Variants in LEPR observed in about 807,000 individuals in gnomAD.
The protein encoded by LEPR is leptin receptor, also known as OB receptor.
LEPR carries 56 observed loss-of-function variants against 114.7 expected under a neutral mutation model. The observed-to-expected ratio is 0.49, with a 90% CI of 0.39 to 0.61. The LOEUF (loss-of-function observed/expected upper bound fraction) is 0.61, where lower values mean the gene tolerates loss of function less well. Ranked by LOEUF, LEPR falls within the 20% of genes least tolerant of loss-of-function variation. The probability of loss-of-function intolerance (pLI) is 0.00; values close to 1 mark genes in which losing one functional copy is unlikely to be tolerated. For missense variants in LEPR, 1,202 were observed against 1,352.9 expected, an observed-to-expected ratio of 0.89 and a Z score of 1.75; for synonymous variants, 443 against 461.4, an observed-to-expected ratio of 0.96 and a Z score of 0.51.
chr1:65,547,123 A>G (rs1158851018), intron 2 of LEPR, among the ~76,000 whole-genome samples: 7 of 151,590 alleles, frequency 4.6e-5, no homozygotes, highest in African/African-American at 1.5e-4. Context: ...TGATTTGTGT[A>G]TATTGAACCA....
Position 65,425,286 on chromosome 1 carries a change from G to C in LEPR, c.-96-17G>C, listed in dbSNP as rs1229741317. 1.2e-6 allele frequency: 2 copies of C among 1,611,122 alleles called. No individual in the cohort carries two copies. The highest frequency in any genetic ancestry group is 2.2e-5 in the South Asian group (2 of 90,514). On this transcript the variant is annotated splice_polypyrimidine_tract_variant and intron_variant, in intron 1 of 19. Transcript: ENST00000349533. ...CTCTACTGTGGGAACTTTAACTTTT[G>C]GCTTTATTTTTCACAGCTCTCGTGG...
intron 5 of LEPR, among the ~76,000 whole-genome samples, chr1:65,583,992 A>G (rs1376961017): frequency 6.6e-6 from 1 of 152,138 alleles, no homozygotes; most frequent in African/African-American, 2.4e-5. Context: ...GGCATTTAGA[A>G]TAATGTTATT....
intron 2 of LEPR, among the ~76,000 whole-genome samples, chr1:65,518,922 TTTC>T (rs1649465118): frequency 1.7e-5 from 2 of 115,068 alleles, no homozygotes; most frequent in Non-Finnish European, 3.6e-5. Context: ...TCTTTCTCTC[TTTC>T]TCTGTTTCTT....
intron 19 of LEPR, chr1:65,626,452 T>A: frequency 3.0e-6 from 1 of 338,966 alleles, no homozygotes; most frequent in Non-Finnish European, 4.2e-6. Context: ...ACAAGATGCT[T>A]AGTTTATTAC....
At chr1:65,439,154 C>G (rs1646612190) in intron 2 of LEPR, among the ~76,000 whole-genome samples, 1 of 152,142 alleles carries the variant, frequency 6.6e-6, no homozygotes, top group Admixed American at 6.5e-5. Flanking sequence ...ATGTATATCC[C>G]TCCAGTGAAT....
chr1:65,477,024 G>A lies in LEPR; in HGVS notation c.-21+51646G>A, dbSNP rs12037879. 0.013 allele frequency among the ~76,000 whole-genome samples: 1,920 copies of A among 152,198 alleles called. 146 individuals are homozygous for A. The East Asian group carries it at 0.22, about 17-fold the overall frequency. Reference sequence around the variant, plus strand: ...GCAGAACACAGTACAGAAAATTGCCGCAAATATCTTCTAAAGATAACCACA... The same window carrying A: ...GCAGAACACAGTACAGAAAATTGCCACAAATATCTTCTAAAGATAACCACA... On this transcript the variant is annotated intron_variant, in intron 2 of 19. Coordinates refer to ENST00000349533, the MANE Select transcript of LEPR (RefSeq NM_002303.6).
In LEPR at chr1:65,612,725, G is replaced by C. The variant is rs535795785; in HGVS notation, c.1995+2429G>C. On this transcript the variant is annotated intron_variant, in intron 14 of 19. Transcript: ENST00000349533. ...GACACAATTGAGAAGTACTGGTTGG[G>C]TATTTTGTAGAATCTCCATCAAATG... Among the ~76,000 whole-genome samples, 4 of 151,600 alleles carry C rather than the reference G, an allele frequency of 2.6e-5. 1 individual carries two copies. The East Asian group carries it at 7.8e-4, about 30-fold the overall frequency.
chr1:65,605,720 G>C (rs1334459000), intron 11 of LEPR, among the ~76,000 whole-genome samples: 1 of 152,106 alleles, frequency 6.6e-6, no homozygotes, highest in Admixed American at 6.5e-5. Context: ...AGACAACAAT[G>C]ACATACATTA....
At chr1:65,598,070 C>T (rs1335127387) in intron 7 of LEPR, among the ~76,000 whole-genome samples, 1 of 145,670 alleles carries the variant, frequency 6.9e-6, no homozygotes. Flanking sequence ...TTTTGATCTC[C>T]TAGGCTCAAG....
intron 5 of LEPR, among the ~76,000 whole-genome samples, chr1:65,589,617 GTTC>G (rs1655552089): frequency 6.6e-6 from 1 of 151,960 alleles, no homozygotes; most frequent in South Asian, 2.1e-4. Context: ...ATGGATTAAA[GTTC>G]TTTTCTTTTA....
At chr1:65,619,446 T>C (rs1360439029) in intron 16 of LEPR, among the ~76,000 whole-genome samples, 4 of 152,132 alleles carry the variant, frequency 2.6e-5, no homozygotes, top group Non-Finnish European at 5.9e-5. Context: ...GGTCTCGTGG[T>C]CTCCACCACC....
intron 2 of LEPR, among the ~76,000 whole-genome samples, chr1:65,459,763 C>G (rs188942333): frequency 1.3e-5 from 2 of 152,332 alleles, no homozygotes; most frequent in Non-Finnish European, 2.9e-5. Context: ...GATTTACTCT[C>G]TACCTATTTC....
chr1:65,627,427 G>T (rs1262244423), intron 19 of LEPR, among the ~76,000 whole-genome samples: 1 of 152,170 alleles, frequency 6.6e-6, no homozygotes, highest in Non-Finnish European at 1.5e-5. Flanking sequence ...ACCACAAGAT[G>T]CCCAGTAGGA....
chr1:65,451,400 T>A (rs1228838400), intron 2 of LEPR, among the ~76,000 whole-genome samples: 1 of 152,142 alleles, frequency 6.6e-6, no homozygotes, highest in Admixed American at 6.5e-5. Flanking sequence ...CTAGGGTTTT[T>A]ATGGTTTTAG....
At chr1:65,466,991 G>A (rs1031106563) in intron 2 of LEPR, among the ~76,000 whole-genome samples, 6 of 151,998 alleles carry the variant, frequency 3.9e-5, no homozygotes, top group African/African-American at 7.3e-5. Flanking sequence ...GCTTTAGCTC[G>A]GGGAAGTTTG....
intron 2 of LEPR, among the ~76,000 whole-genome samples, chr1:65,495,829 C>T (rs1161176447): frequency 6.6e-6 from 1 of 152,102 alleles, no homozygotes; most frequent in Non-Finnish European, 1.5e-5. Context: ...AGATCTCACT[C>T]ATATATGGTA....
At chr1:65,569,482 G>A (rs967336090) in intron 3 of LEPR, among the ~76,000 whole-genome samples, 5 of 151,930 alleles carry the variant, frequency 3.3e-5, no homozygotes, top group East Asian at 1.9e-4. Context: ...CAAGGTGGGC[G>A]GATCACCTGA....
rs149532651 is a variant in LEPR, at chr1:65,635,972, C to G, written c.2674-219C>G. Among the ~76,000 whole-genome samples, 6 of 152,268 alleles carry G rather than the reference C, an allele frequency of 3.9e-5. No individual in the cohort carries two copies. The East Asian group carries it at 9.6e-4, about 24-fold the overall frequency. ...TCATGGTTGTAGAATTGGAAGAACT[C>G]AAGTCTAAGTCTGTCTTGTCCCACT... On this transcript the variant is annotated intron_variant, in intron 19 of 19. Coordinates refer to ENST00000349533, the MANE Select transcript of LEPR (RefSeq NM_002303.6).
chr1:65,430,103 C>T, intron 2 of LEPR: 1 of 1,429,636 alleles, frequency 7.0e-7, no homozygotes. Flanking sequence ...ACTTCAGAGG[C>T]CTGTGTCTGG....
Sources: allele counts gnomAD v4.1 joint callset (sites outside exome capture counted in the v4.1 genomes callset), GRCh38; gene constraint gnomAD v4.1.1; transcripts MANE v1.5; gene names NCBI Gene and HGNC (gene_info 2026-07-23, HGNC 2026-07-21).